PRMT7: variants seen among roughly 807,000 people sequenced by gnomAD.
The protein encoded by PRMT7 is protein arginine methyltransferase 7, also known as protein arginine N-methyltransferase 7.
PRMT7 carries 75 observed loss-of-function variants against 85.4 expected under a neutral mutation model. That is an observed-to-expected ratio of 0.88 (90% confidence interval 0.73 to 1.06). The LOEUF is 1.06. PRMT7 is among the 50% of genes least tolerant of loss of function. The probability of loss-of-function intolerance (pLI) is 0.00; values close to 1 mark genes in which losing one functional copy is unlikely to be tolerated. For synonymous variants in PRMT7, 397 were observed against 359.5 expected, an observed-to-expected ratio of 1.10 and a Z score of -1.18; for missense variants, 868 against 915.2, an observed-to-expected ratio of 0.95 and a Z score of 0.67.
intron 9 of PRMT7, among the ~76,000 whole-genome samples, chr16:68,341,208 C>T (rs1352201572): frequency 6.6e-6 from 1 of 152,214 alleles, no homozygotes; most frequent in Admixed American, 6.5e-5. Flanking sequence ...CTCTCTCACT[C>T]TCACACTCAA....
At chr16:68,321,344 T>C in intron 3 of PRMT7, 82 bp from the exon 4 acceptor site, 2 of 1,077,778 alleles carry the variant, frequency 1.9e-6, no homozygotes. Flanking sequence ...GTTCTATCTG[T>C]TTAGCAATGT....
In PRMT7 at chr16:68,321,278, AAAAT is replaced by A. The variant is rs1447679375; in HGVS notation, c.96-140_96-137del. ...GGTGAGACCCTGTCTCAAAAAAAAA[AAAAT>A]AAATAAAGATAAAAGACAACCAAAA... On this transcript the variant is annotated intron_variant, in intron 3 of 18. Coordinates refer to ENST00000441236, the MANE Select transcript of PRMT7 (RefSeq NM_019023.5). 5.4e-5 allele frequency: 29 copies of A among 535,738 alleles called. No individual in the cohort carries two copies. The South Asian group carries it at 7.5e-4, about 14-fold the overall frequency. 33.2% of individuals were successfully genotyped at this position (535,738 alleles called of 1,614,324 possible).
intron 16 of PRMT7, 88 bp downstream of exon 16, chr16:68,353,654 T>C: frequency 1.5e-5 from 19 of 1,308,220 alleles, no homozygotes; most frequent in Non-Finnish European, 2.0e-5. Flanking sequence ...CAGCACAGGC[T>C]CTTCTGTTGG....
intron 9 of PRMT7, among the ~76,000 whole-genome samples, 174 bp from the exon 10 acceptor site, chr16:68,345,501 T>C (rs921549939): frequency 6.6e-6 from 1 of 152,226 alleles, no homozygotes; most frequent in African/African-American, 2.4e-5. Context: ...CCGCAAACTT[T>C]TGGGCCACTG....
intron 3 of PRMT7, chr16:68,318,857 A>G (rs1429388976): frequency 1.3e-5 from 2 of 152,290 alleles, no homozygotes; most frequent in Non-Finnish European, 2.9e-5. Context: ...TGAGTGATAT[A>G]TTAAACAGGA....
chr16:68,356,899 G>A, intron 18 of PRMT7, 102 bp downstream of exon 18: 1 of 1,395,246 alleles, frequency 7.2e-7, no homozygotes, highest in South Asian at 1.3e-5. Context: ...TCTGTCACAA[G>A]TTCTTCGGGC....
intron 11 of PRMT7, among the ~76,000 whole-genome samples, chr16:68,346,664 C>T (rs1033129816): frequency 1.3e-5 from 2 of 152,114 alleles, no homozygotes; most frequent in Admixed American, 6.5e-5. Context: ...AACCTTTGCT[C>T]CCTGCTACCT....
Position 68,357,218 on chromosome 16 carries a change from AGACT to A in PRMT7, c.2077_*1del, listed in dbSNP as rs1567757410. 1.9e-6 allele frequency: 3 copies of A among 1,611,722 alleles called. No homozygotes were observed. Among genetic ancestry groups the A allele is most frequent in the Non-Finnish European group, 2.5e-6 (3 of 1,178,848 alleles). ...TGGAGTTCAGGCATGCAGATACCCC[AGACT>A]GACCACTCTTGAGCAATAAAGTGGC... On this transcript the variant is annotated frameshift_variant and stop_lost, in exon 19 of 19. Coordinates refer to ENST00000441236, the MANE Select transcript of PRMT7 (RefSeq NM_019023.5). LOFTEE classifies it high-confidence loss of function.
chr16:68,320,341 G>T lies in PRMT7; in HGVS notation c.96-1085G>T, dbSNP rs1384401347. On this transcript the variant is annotated intron_variant, in intron 3 of 18. Transcript: ENST00000441236. ...TAGAGTGCAGAGTGGGAATTGGGGG[G>T]CTGACAGCCTTCAGAGCTGACAGCC... Among the ~76,000 whole-genome samples the T allele has an allele frequency of 4.6e-5, 7 of 152,260 alleles. No individual in the cohort carries two copies. The East Asian group carries it at 1.3e-3, about 29-fold the overall frequency.
In PRMT7 at chr16:68,348,420, C is replaced by T. The variant is rs779212218; in HGVS notation, c.1402C>T (p.Gln468Ter). 6.8e-6 allele frequency: 11 copies of T among 1,610,876 alleles called. No homozygotes were observed. The highest frequency in any genetic ancestry group is 9.3e-6 in the Non-Finnish European group (11 of 1,177,146). Residue 468 changes from glutamine to a stop codon, truncating the protein, a stop_gained, in exon 14 of 19, where the codon CAG becomes TAG. Transcript: ENST00000441236. LOFTEE classifies it high-confidence loss of function. ...RPELLTNEDL[Q>*]GRKVSLLLGE... is the part of the protein sequence containing the mutation. Reference sequence around the variant, plus strand: ...GGAATTATTAACAAATGAGGACCTACAGGGCAGAAAGGTGAGTAGCGGGAG... The same window carrying T: ...GGAATTATTAACAAATGAGGACCTATAGGGCAGAAAGGTGAGTAGCGGGAG...
intron 16 of PRMT7, 41 bp from the exon 17 acceptor site, chr16:68,355,682 C>T (rs375310882): frequency 4.3e-5 from 64 of 1,476,878 alleles, no homozygotes; most frequent in South Asian, 1.7e-4. Flanking sequence ...GTCTAGCTGC[C>T]GGCCTGTCTC....
chr16:68,347,506 A>G, intron 12 of PRMT7, 125 bp from the exon 13 acceptor site: 1 of 1,135,336 alleles, frequency 8.8e-7, no homozygotes, highest in South Asian at 1.4e-5. Flanking sequence ...CCAGGGAGGG[A>G]ATGAGGGCAG....
rs755266074 is a variant in PRMT7, at chr16:68,321,438, A to G, written c.108A>G (p.Ala36=). 4 of 1,610,566 alleles carry G rather than the reference A, an allele frequency of 2.5e-6. No homozygotes were observed. Among genetic ancestry groups the G allele is most frequent in the Non-Finnish European group, 3.4e-6 (4 of 1,177,318 alleles). The change falls in exon 4 of 19, where the codon GCA becomes GCG. Residue 36 remains alanine (A), a synonymous_variant. Transcript: ENST00000441236. ...TTTTGTTTTTTAGGTCATCTTATGCAGATATGCTACATGACAAAGACAGAG... is the reference window on the plus strand; with the variant it reads ...TTTTGTTTTTTAGGTCATCTTATGCGGATATGCTACATGACAAAGACAGAG... The part of the protein sequence containing the change: ...YHQEIARSSY[A]DMLHDKDRNV...
rs757867505 is a variant in PRMT7, at chr16:68,347,643, G to T, written c.1288G>T (p.Glu430Ter). The change falls in exon 13 of 19, where the codon GAG becomes TAG. Residue 430 changes from glutamate (E) to a stop codon, truncating the protein, a stop_gained. Transcript: ENST00000441236. LOFTEE classifies it high-confidence loss of function. The stretch of plus-strand genomic sequence containing the variant: ...GTGTTCCCTCTAGGTGTTTACAGTC[G>T]AGAGTTCAGCAGCTTCTCACAAACT... Reference protein sequence around the residue: ...HLGVEQVFTVESSAASHKLLR... With the variant: ...HLGVEQVFTV The T allele has an allele frequency of 6.2e-7, 1 of 1,613,866 alleles. No individual in the cohort carries two copies. Among genetic ancestry groups the T allele is most frequent in the South Asian group, 1.1e-5 (1 of 91,072 alleles).
chr16:68,317,110 C>T (rs1022798677), intron 3 of PRMT7, among the ~76,000 whole-genome samples: 41 of 151,058 alleles, frequency 2.7e-4, no homozygotes, highest in Non-Finnish European at 4.4e-4. Flanking sequence ...TGGTGGTGGG[C>T]GCCTGTAATC....
intron 14 of PRMT7, among the ~76,000 whole-genome samples, chr16:68,348,754 C>G (rs987162354): frequency 5.3e-5 from 8 of 151,518 alleles, no homozygotes; most frequent in African/African-American, 1.9e-4. Context: ...GCGATCCTCC[C>G]ACCTCTCCCG....
intron 5 of PRMT7, among the ~76,000 whole-genome samples, chr16:68,327,847 G>A (rs975169860): frequency 5.9e-5 from 9 of 151,292 alleles, no homozygotes; most frequent in African/African-American, 1.9e-4. Context: ...ATTGAGGTGG[G>A]AAATTGCTTG....
Position 68,339,534 on chromosome 16 carries a change from A to G in PRMT7, c.717A>G (p.Thr239=). Residue 239 remains threonine, a synonymous_variant, in exon 8 of 19, where the codon ACA becomes ACG. Transcript: ENST00000441236. ...QLNQVSPADF[T]VLSDVLPMFS... is the part of the protein sequence containing the mutation. ...ACCAGGTGTCACCAGCCGACTTTACAGTCCTCAGCGATGTGCTGCCCATGT... is the reference window on the plus strand; with the variant it reads ...ACCAGGTGTCACCAGCCGACTTTACGGTCCTCAGCGATGTGCTGCCCATGT... 1 of 1,614,064 alleles carries G rather than the reference A, an allele frequency of 6.2e-7. No individual in the cohort carries two copies. The highest frequency in any genetic ancestry group is 8.5e-7 in the Non-Finnish European group (1 of 1,180,042).
intron 17 of PRMT7, 83 bp downstream of exon 17, chr16:68,355,966 C>A: frequency 7.4e-7 from 1 of 1,358,052 alleles, no homozygotes; most frequent in Non-Finnish European, 9.7e-7. Context: ...CACAGCTGGC[C>A]TGGGAGACGC....
Sources: gnomAD v4.1 joint callset for allele counts (sites outside exome capture counted in the v4.1 genomes callset) on GRCh38, gnomAD v4.1.1 for gene constraint, MANE v1.5 for transcripts, NCBI Gene and HGNC (gene_info 2026-07-23, HGNC 2026-07-21) for gene names.